The following SH3RF1 variants were observed in gnomAD, a reference collection of about 807,000 sequenced individuals.
The protein encoded by SH3RF1 is SH3 domain containing ring finger 1, also known as E3 ubiquitin-protein ligase SH3RF1.
SH3RF1 carries 32 observed loss-of-function variants against 74.0 expected under a neutral mutation model. The ratio of observed to expected loss-of-function variants is 0.43; its 90% confidence interval spans 0.33 to 0.58. The LOEUF is 0.58. Among genes scored for constraint, SH3RF1 ranks in the 20% least tolerant of loss-of-function variants. SH3RF1 has a pLI of 0.05. For synonymous variants in SH3RF1, 396 were observed against 439.6 expected (o/e 0.90, Z 1.24); for missense variants, 954 against 1,130.9 (o/e 0.84, Z 2.24).
chr4:169,103,376 C>T (rs1733075278), intron 11 of SH3RF1, among the ~76,000 whole-genome samples: 2 of 152,090 alleles, frequency 1.3e-5, no homozygotes, highest in South Asian at 4.2e-4. Context: ...TGAAATTCTA[C>T]CAGTCAGTAG....
At chr4:169,107,597 T>C (rs1445117936) in intron 10 of SH3RF1, among the ~76,000 whole-genome samples, 1 of 152,252 alleles carries the variant, frequency 6.6e-6, no homozygotes, top group Non-Finnish European at 1.5e-5. Flanking sequence ...GTAGATATTT[T>C]AGGATAAAAT....
chr4:169,203,553 GAA>G (rs780772535), intron 2 of SH3RF1, among the ~76,000 whole-genome samples: 1 of 129,520 alleles, frequency 7.7e-6, no homozygotes, highest in Admixed American at 7.6e-5. Context: ...CCTGTCTCAA[GAA>G]AAAAAAAAAA....
In SH3RF1 at chr4:169,096,507, G is replaced by A; in HGVS notation, c.*12C>T. ...TGTGAAGTGATTTTAAGCTTCTTCA[G>A]TGTCAGTCTCCTCATATGTTTTCCA... On this transcript the variant is annotated 3_prime_UTR_variant, in exon 12 of 12. Coordinates refer to ENST00000284637, the MANE Select transcript of SH3RF1 (RefSeq NM_020870.4). The A allele has an allele frequency of 6.2e-7, 1 of 1,611,260 alleles. No homozygotes were observed. Among genetic ancestry groups the A allele is most frequent in the Non-Finnish European group, 8.5e-7 (1 of 1,178,858 alleles).
At chr4:169,155,932 C>T (rs1734043798) in intron 3 of SH3RF1, among the ~76,000 whole-genome samples, 1 of 152,186 alleles carries the variant, frequency 6.6e-6, no homozygotes, top group African/African-American at 2.4e-5. Context: ...CAAATGCCTA[C>T]TCAAATGTAC....
At position 169,117,560 on chromosome 4, in the gene SH3RF1, T is replaced by C. The variant is rs1733357951; in HGVS notation, c.1740A>G (p.Gln580=). ...CATTGCGGGCCTGGTTGACTGTCAT[T>C]TGCCCCGTCATGTGCAACAAGACCT... ...QAKVLLHMTG[Q]MTVNQARNAV... is the part of the protein sequence containing the mutation. The change falls in exon 9 of 12, where the codon CAA becomes CAG. Residue 580 remains glutamine (Q), a synonymous_variant. Coordinates refer to ENST00000284637, the MANE Select transcript of SH3RF1 (RefSeq NM_020870.4). 6.2e-7 allele frequency: 1 copy of C among 1,614,242 alleles called. No individual in the cohort carries two copies. The highest frequency in any genetic ancestry group is 8.5e-7 in the Non-Finnish European group (1 of 1,180,050).
At chr4:169,246,681 C>T (rs1322902635) in intron 2 of SH3RF1, among the ~76,000 whole-genome samples, 1 of 152,212 alleles carries the variant, frequency 6.6e-6, no homozygotes, top group Non-Finnish European at 1.5e-5. Context: ...TCCTTTGTTC[C>T]CCACTTCCTA....
intron 2 of SH3RF1, among the ~76,000 whole-genome samples, chr4:169,227,868 T>C (rs1730676081): frequency 1.3e-5 from 2 of 152,196 alleles, no homozygotes; most frequent in African/African-American, 4.8e-5. Context: ...ACAGAGTTTA[T>C]TGCATTTTTC....
intron 2 of SH3RF1, among the ~76,000 whole-genome samples, chr4:169,230,114 G>A (rs1730711737): frequency 6.6e-6 from 1 of 152,200 alleles, no homozygotes; most frequent in Admixed American, 6.5e-5. Flanking sequence ...GCCGAGGCAG[G>A]AGACTGCTTG....
intron 5 of SH3RF1, among the ~76,000 whole-genome samples, chr4:169,133,736 C>A (rs906320177): frequency 1.5e-4 from 23 of 152,050 alleles, no homozygotes; most frequent in Admixed American, 1.4e-3. Flanking sequence ...GACAGTGCCA[C>A]TGCACTCTAG....
intron 2 of SH3RF1, among the ~76,000 whole-genome samples, chr4:169,165,442 G>A (rs1734220191): frequency 6.6e-6 from 1 of 152,168 alleles, no homozygotes; most frequent in Non-Finnish European, 1.5e-5. Context: ...AGCACTTTGG[G>A]AGGCTAAGGC....
At chr4:169,266,896 C>T (rs1164148083) in intron 2 of SH3RF1, among the ~76,000 whole-genome samples, 2 of 152,220 alleles carry the variant, frequency 1.3e-5, no homozygotes, top group Non-Finnish European at 2.9e-5. Context: ...CATCCTCCCC[C>T]AGCAAAGTAA....
At chr4:169,206,905 TGGGATCACTTGAAGCCAA>T (rs1214311157) in intron 2 of SH3RF1, among the ~76,000 whole-genome samples, 1 of 152,118 alleles carries the variant, frequency 6.6e-6, no homozygotes, top group Non-Finnish European at 1.5e-5. Context: ...GAGGCAGAAC[TGGGATCACTTGAAGCCAA>T]GAGTTCAATA....
intron 2 of SH3RF1, among the ~76,000 whole-genome samples, chr4:169,259,666 G>C (rs1325724927): frequency 4.6e-5 from 7 of 152,144 alleles, no homozygotes; most frequent in Non-Finnish European, 1.5e-5. Flanking sequence ...AAAAGCTTTG[G>C]GAGGGTGAGG....
Position 169,156,540 on chromosome 4 carries a change from C to T in SH3RF1, c.533G>A (p.Gly178Glu), listed in dbSNP as rs180769436. The T allele has an allele frequency of 2.5e-4, 407 of 1,614,128 alleles. No individual in the cohort carries two copies. Among genetic ancestry groups the T allele is most frequent in the Non-Finnish European group, 2.2e-4 (259 of 1,180,004 alleles). The change falls in exon 3 of 12, where the codon GGA becomes GAA. Residue 178 changes from glycine (G) to glutamate (E), a missense_variant. By Grantham distance (98) the Gly-to-Glu change is moderately conservative. Transcript: ENST00000284637. ...GTTGGTGGGGAAAAAGCCATGGATT[C>T]CATTGACTTCCCCATGGTACCAATT... The part of the protein sequence containing the change: ...DENWYHGEVN[G>E]IHGFFPTNFV...
intron 2 of SH3RF1, chr4:169,166,854 C>T (rs1029247651): frequency 3.3e-6 from 1 of 299,870 alleles, no homozygotes; most frequent in Non-Finnish European, 6.3e-6. Context: ...TCATTGCCAC[C>T]TCAACCAAAA....
intron 2 of SH3RF1, among the ~76,000 whole-genome samples, chr4:169,209,267 T>A (rs1379332480): frequency 6.7e-6 from 1 of 148,628 alleles, no homozygotes; most frequent in African/African-American, 2.5e-5. Flanking sequence ...CCAGCCTGAG[T>A]GACAGAACAA....
chr4:169,181,772 AC>A (rs1734515762), intron 2 of SH3RF1, among the ~76,000 whole-genome samples: 1 of 152,120 alleles, frequency 6.6e-6, no homozygotes, highest in Admixed American at 6.5e-5. Context: ...CTCCTTTGGA[AC>A]TCTTCTAAGA....
intron 2 of SH3RF1, among the ~76,000 whole-genome samples, chr4:169,197,461 A>C (rs958060673): frequency 2.0e-5 from 3 of 152,046 alleles, no homozygotes; most frequent in African/African-American, 7.2e-5. Flanking sequence ...CCCCGTCTCT[A>C]CTAAAAACAC....
rs114640140 is a variant in SH3RF1, at chr4:169,249,575, C to T, written c.393+19245G>A. ...TCCACTGGAGATATAAGGGTATTCT[C>T]TAATTCTATGTGGAAAGCAGATTAT... On this transcript the variant is annotated intron_variant, in intron 2 of 11. Coordinates refer to ENST00000284637, the MANE Select transcript of SH3RF1 (RefSeq NM_020870.4). 3.4e-3 allele frequency among the ~76,000 whole-genome samples: 524 copies of T among 152,338 alleles called. 5 individuals carry two copies. The highest frequency in any genetic ancestry group is 0.012 in the African/African-American group (487 of 41,574).
Sources: gnomAD v4.1 joint callset for allele counts (sites outside exome capture counted in the v4.1 genomes callset) on GRCh38, gnomAD v4.1.1 for gene constraint, MANE v1.5 for transcripts, NCBI Gene and HGNC (gene_info 2026-07-23, HGNC 2026-07-21) for gene names.